The following DICER1 variants were observed in gnomAD, a reference collection of about 807,000 sequenced individuals.
The protein encoded by DICER1 is endoribonuclease Dicer.
A neutral mutation model predicts 194.1 loss-of-function variants in DICER1; 43 were observed. The ratio of observed to expected loss-of-function variants is 0.22; its 90% confidence interval spans 0.17 to 0.29. DICER1 has a LOEUF of 0.29. DICER1 is among the 10% of genes least tolerant of loss of function. DICER1 has a pLI of 1.00. For synonymous variants in DICER1, 832 were observed against 820.5 expected (o/e 1.01, Z -0.24); for missense variants, 1,608 against 2,317.0 (o/e 0.69, Z 6.28).
Position 95,096,383 on chromosome 14 carries a change from C to A in DICER1, c.4537G>T (p.Asp1513Tyr), listed in dbSNP as rs1316786303. Reference protein sequence around the residue: ...YSSWDAMCYLDPSKAVEEDDF... With the variant: ...YSSWDAMCYLYPSKAVEEDDF... ...TCTTCTTCAACAGCTTTGCTAGGAT[C>A]CAGATAGCACATTGCATCCCAAGAG... The change falls in exon 23 of 27, where the codon GAT (aspartate) becomes TAT (tyrosine). Residue 1513 changes from aspartate (D) to tyrosine (Y), a missense_variant. Around this residue, in one of 10 missense-constraint regions of DICER1, gnomAD observed 164 missense variants for 183.7 expected, o/e 0.89. Coordinates refer to ENST00000343455, the MANE Select transcript of DICER1 (RefSeq NM_177438.3). 1 of 1,614,072 alleles carries A rather than the reference C, an allele frequency of 6.2e-7. No individual in the cohort carries two copies. The highest frequency in any genetic ancestry group is 8.5e-7 in the Non-Finnish European group (1 of 1,180,036).
intron 1 of DICER1, among the ~76,000 whole-genome samples, chr14:95,144,321 C>A (rs981703258): frequency 1.3e-5 from 2 of 150,600 alleles, no homozygotes; most frequent in African/African-American, 4.9e-5. Flanking sequence ...TTTTTTTTTT[C>A]CTTTGTACCT....
chr14:95,094,255 C>T (rs1890116851), intron 23 of DICER1, 99 bp from the exon 24 acceptor site: 2 of 1,434,592 alleles, frequency 1.4e-6, no homozygotes, highest in East Asian at 2.3e-5. Flanking sequence ...TTTGTATTTA[C>T]AATCATTTTC....
chr14:95,092,420 TAAAGAG>T (rs1014159904), intron 24 of DICER1, among the ~76,000 whole-genome samples: 15 of 152,182 alleles, frequency 9.9e-5, no homozygotes, highest in East Asian at 3.9e-4. Flanking sequence ...GTGAAAAAAA[TAAAGAG>T]AAAGTGGGAA....
chr14:95,091,153 T>C (rs1185635174), intron 25 of DICER1, 44 bp from the exon 26 acceptor site: 2 of 1,613,954 alleles, frequency 1.2e-6, no homozygotes, highest in Non-Finnish European at 8.5e-7. Context: ...ATCTCTGAAG[T>C]TGTTTTTAAT....
Position 95,105,433 on chromosome 14 carries a change from T to C in DICER1, c.3094-187A>G, listed in dbSNP as rs955049739. On this transcript the variant is annotated intron_variant, in intron 19 of 26. Transcript: ENST00000343455. The surrounding 1 kb of genome is among the most constrained non-coding windows in gnomAD (Gnocchi z 4.9). ...TATCAAAGGATTTATGAGAATGATT[T>C]TGTGATATATTAATGGGCCAAGTAT... Among the ~76,000 whole-genome samples the C allele has an allele frequency of 2.0e-5, 3 of 152,202 alleles. No homozygotes were observed. The highest frequency in any genetic ancestry group is 2.9e-5 in the Non-Finnish European group (2 of 68,036).
At chr14:95,112,274 A>G (rs1477462993) in intron 12 of DICER1, 27 bp from the exon 13 acceptor site, 9 of 1,578,284 alleles carry the variant, frequency 5.7e-6, no homozygotes, top group African/African-American at 2.7e-5. Context: ...CCTTTCCATT[A>G]TATATGCACA....
chr14:95,138,986 T>TAA (rs1289692370), intron 1 of DICER1, among the ~76,000 whole-genome samples: 5 of 31,678 alleles, frequency 1.6e-4, no homozygotes, highest in African/African-American at 6.2e-4. Flanking sequence ...TAAAAATAAA[T>TAA]AAAAAAATAA....
chr14:95,154,359 G>A (rs1895705757), intron 1 of DICER1, among the ~76,000 whole-genome samples: 1 of 152,176 alleles, frequency 6.6e-6, no homozygotes, highest in African/African-American at 2.4e-5. Context: ...TGAGGTATAT[G>A]TCTAAAAGAA....
rs1361292426 is a variant in DICER1, at chr14:95,089,409, G to T, written c.*1089C>A. 1 of 232,802 alleles carries T rather than the reference G, an allele frequency of 4.3e-6. No homozygotes were observed. Among genetic ancestry groups the T allele is most frequent in the African/African-American group, 2.2e-5 (1 of 45,338 alleles). The allele number at this position is 232,802 out of a possible 1,614,324, so 14.4% of individuals were successfully genotyped here. On this transcript the variant is annotated 3_prime_UTR_variant, in exon 27 of 27. Coordinates refer to ENST00000343455, the MANE Select transcript of DICER1 (RefSeq NM_177438.3). ...TTTATGTGAGGAGACTAAGGGTAAAGGTGCTGTGTTTTGCTTCTTAAATAA... is the reference window on the plus strand; with the variant it reads ...TTTATGTGAGGAGACTAAGGGTAAATGTGCTGTGTTTTGCTTCTTAAATAA...
At chr14:95,142,558 C>A (rs563492098) in intron 1 of DICER1, among the ~76,000 whole-genome samples, 5 of 152,174 alleles carry the variant, frequency 3.3e-5, no homozygotes, top group African/African-American at 1.2e-4. Flanking sequence ...CCAACTATTA[C>A]AAAATTATTG....
intron 4 of DICER1, among the ~76,000 whole-genome samples, chr14:95,130,941 T>C (rs1364940748): frequency 1.3e-5 from 2 of 152,220 alleles, no homozygotes; most frequent in East Asian, 1.9e-4. Flanking sequence ...AAATAGGTCA[T>C]AGGAATTTGT....
intron 23 of DICER1, among the ~76,000 whole-genome samples, chr14:95,094,902 C>G (rs190272181): frequency 1.4e-3 from 215 of 152,024 alleles, no homozygotes; most frequent in Non-Finnish European, 2.5e-3. Context: ...CCAGAATAAG[C>G]AAGGAATTAA....
At position 95,096,262 on chromosome 14, in the gene DICER1, C is replaced by T. The variant is rs2139846213; in HGVS notation, c.4658G>A (p.Cys1553Tyr). Residue 1553 changes from cysteine (C) to tyrosine (Y), a missense_variant, in exon 23 of 27, where the codon TGT becomes TAT. By Grantham distance (194) the Cys-to-Tyr change is radical. This residue lies in a region of DICER1 where 13 missense variants were observed against 35.7 expected (regional missense o/e 0.36). Coordinates refer to ENST00000343455, the MANE Select transcript of DICER1 (RefSeq NM_177438.3). The stretch of plus-strand genomic sequence containing the variant: ...GTCCGCTATGCTTTTGTCAGCAATA[C>T]ACTGCTCAGTGTGCAAGTCGTAAGA... ...SISYDLHTEQ[C>Y]IADKSIADCV... The T allele has an allele frequency of 6.2e-7, 1 of 1,614,228 alleles. No individual in the cohort carries two copies. The highest frequency in any genetic ancestry group is 8.5e-7 in the Non-Finnish European group (1 of 1,180,042).
intron 1 of DICER1, chr14:95,141,030 A>T (rs1474886765): frequency 1.3e-5 from 2 of 152,232 alleles, no homozygotes; most frequent in African/African-American, 2.4e-5. Context: ...TTTCAAAGCT[A>T]ATATAAGGAA....
chr14:95,156,878 G>A (rs1052781861), intron 1 of DICER1, among the ~76,000 whole-genome samples: 2 of 152,114 alleles, frequency 1.3e-5, no homozygotes, highest in Non-Finnish European at 2.9e-5. Flanking sequence ...CTTAGCGCGC[G>A]TGACGGGACC....
chr14:95,136,434 T>C (rs1361144352), intron 1 of DICER1, among the ~76,000 whole-genome samples: 2 of 152,140 alleles, frequency 1.3e-5, no homozygotes, highest in East Asian at 1.9e-4. Context: ...CTGAGTGCAG[T>C]GGTGCAATGA....
intron 6 of DICER1, among the ~76,000 whole-genome samples, chr14:95,128,638 A>G (rs925646222): frequency 6.6e-6 from 1 of 152,216 alleles, no homozygotes; most frequent in East Asian, 1.9e-4. Flanking sequence ...CCATGAAACC[A>G]CTGTCAATGC....
rs933662212 is a variant in DICER1, at chr14:95,089,159, T to C, written c.*1339A>G. The C allele has an allele frequency of 8.7e-6, 2 of 230,436 alleles. No individual in the cohort carries two copies. The highest frequency in any genetic ancestry group is 2.6e-3 in the Middle Eastern group (2 of 774). 14.3% of individuals were successfully genotyped at this position (230,436 alleles called of 1,614,324 possible). ...CTGAGGTATTTAAGTGAAGAGTGCC[T>C]ACAAGTCTAATTAAAGAAACTTAGG... On this transcript the variant is annotated 3_prime_UTR_variant, in exon 27 of 27. Coordinates refer to ENST00000343455, the MANE Select transcript of DICER1 (RefSeq NM_177438.3).
chr14:95,141,474 C>T (rs562628826), intron 1 of DICER1, among the ~76,000 whole-genome samples: 1 of 152,322 alleles, frequency 6.6e-6, no homozygotes, highest in East Asian at 1.9e-4. Context: ...ACTTGGTTTG[C>T]GCTCAGGTCT....
Sources: allele counts gnomAD v4.1 joint callset (sites outside exome capture counted in the v4.1 genomes callset), GRCh38; gene constraint gnomAD v4.1.1; regional missense constraint gnomAD v4.1.1; non-coding constraint Gnocchi (gnomAD v3.1); transcripts MANE v1.5; gene names NCBI Gene and HGNC (gene_info 2026-07-23, HGNC 2026-07-21).